Variants in KIAA1217 observed in about 807,000 individuals in gnomAD.
KIAA1217 encodes sickle tail protein homolog.
In KIAA1217, 88 loss-of-function variants were observed where a neutral mutation model predicts 163.9. The observed-to-expected ratio is 0.54, with a 90% CI of 0.45 to 0.64. The LOEUF is 0.64. Among genes scored for constraint, KIAA1217 ranks in the 30% least tolerant of loss-of-function variants. The pLI, the probability that KIAA1217 is intolerant of heterozygous loss-of-function variation, is 0.00. For missense variants in KIAA1217, 2,372 were observed against 2,475.0 expected, an observed-to-expected ratio of 0.96 and a Z score of 0.88; for synonymous variants, 903 against 923.1, an observed-to-expected ratio of 0.98 and a Z score of 0.39.
intron 2 of KIAA1217, among the ~76,000 whole-genome samples, chr10:24,152,985 A>G (rs1288981257): frequency 2.6e-4 from 39 of 152,220 alleles, no homozygotes. Flanking sequence ...ACAAAATCCT[A>G]GAAAGTCTAC....
intron 1 of KIAA1217, among the ~76,000 whole-genome samples, chr10:23,896,602 G>A (rs1458060628): frequency 1.3e-5 from 2 of 151,918 alleles, no homozygotes; most frequent in Non-Finnish European, 2.9e-5. Context: ...GATATAGACC[G>A]AATAATCATT....
At chr10:24,097,982 C>T (rs1002502112) in intron 2 of KIAA1217, among the ~76,000 whole-genome samples, 1 of 151,980 alleles carries the variant, frequency 6.6e-6, no homozygotes, top group Admixed American at 6.6e-5. Context: ...CCAGGGGCAA[C>T]ACGCCTCCTT....
chr10:24,190,044 G>C (rs1281978085), intron 2 of KIAA1217, among the ~76,000 whole-genome samples: 1 of 148,654 alleles, frequency 6.7e-6, no homozygotes, highest in African/African-American at 2.5e-5. Flanking sequence ...AAAAAAAAAA[G>C]TATGATTGGA....
intron 2 of KIAA1217, among the ~76,000 whole-genome samples, chr10:24,341,519 C>G (rs992188311): frequency 3.9e-5 from 6 of 152,112 alleles, no homozygotes; most frequent in African/African-American, 1.4e-4. Context: ...CTTGTAGATA[C>G]GTATAGTATC....
intron 2 of KIAA1217, among the ~76,000 whole-genome samples, chr10:24,036,870 C>T (rs896423605): frequency 1.3e-5 from 2 of 152,188 alleles, no homozygotes; most frequent in African/African-American, 2.4e-5. Context: ...AAGGGACACA[C>T]ATCCAAACTA....
At chr10:24,474,099 C>A in intron 6 of KIAA1217, 39 bp downstream of exon 6, 1 of 1,476,048 alleles carries the variant, frequency 6.8e-7, no homozygotes, top group Non-Finnish European at 9.2e-7. Context: ...GGTACCTGGG[C>A]CCATGTGTCA....
chr10:23,856,750 A>G (rs908306839), intron 1 of KIAA1217, among the ~76,000 whole-genome samples: 2 of 152,234 alleles, frequency 1.3e-5, no homozygotes, highest in Non-Finnish European at 2.9e-5. Flanking sequence ...GCTGCCTTGC[A>G]GTTTGATCTC....
At chr10:24,361,212 G>T (rs1382900232) in intron 2 of KIAA1217, among the ~76,000 whole-genome samples, 2 of 151,880 alleles carry the variant, frequency 1.3e-5, no homozygotes, top group African/African-American at 4.8e-5. Context: ...TTGAGACAGG[G>T]TCTAACACTG....
At chr10:24,392,803 G>A (rs2055160513) in intron 3 of KIAA1217, among the ~76,000 whole-genome samples, 1 of 152,196 alleles carries the variant, frequency 6.6e-6, no homozygotes, top group Non-Finnish European at 1.5e-5. Context: ...ATTAGGAAAT[G>A]TTACCTGAAC....
chr10:23,744,222 TAG>T (rs1839277362), intron 1 of KIAA1217, among the ~76,000 whole-genome samples: 1 of 152,288 alleles, frequency 6.6e-6, no homozygotes, highest in Admixed American at 6.5e-5. Context: ...AGCTACTAGG[TAG>T]CCTGTTGTCC....
At chr10:24,318,771 C>T (rs1192492023) in intron 2 of KIAA1217, among the ~76,000 whole-genome samples, 1 of 152,198 alleles carries the variant, frequency 6.6e-6, no homozygotes, top group Non-Finnish European at 1.5e-5. Flanking sequence ...CTCTGAAAAC[C>T]TCATGTTGCA....
intron 2 of KIAA1217, among the ~76,000 whole-genome samples, chr10:24,304,129 A>ATTTT (rs5783885): frequency 4.4e-5 from 6 of 136,928 alleles, no homozygotes; most frequent in African/African-American, 1.3e-4. Flanking sequence ...AATCCTCCAC[A>ATTTT]TTTTTTTTTT....
At chr10:24,502,941 G>A (rs2067853727) in intron 9 of KIAA1217, among the ~76,000 whole-genome samples, 1 of 152,122 alleles carries the variant, frequency 6.6e-6, no homozygotes, top group African/African-American at 2.4e-5. Flanking sequence ...AGCCAGGATA[G>A]CACCATTGCA....
At chr10:24,054,753 A>G (rs1201508835) in intron 2 of KIAA1217, among the ~76,000 whole-genome samples, 1 of 152,222 alleles carries the variant, frequency 6.6e-6, no homozygotes, top group Non-Finnish European at 1.5e-5. Flanking sequence ...CCTAGGCTAT[A>G]TGGTATAGCC....
chr10:24,127,070 T>A (rs2063495319), intron 2 of KIAA1217, among the ~76,000 whole-genome samples: 1 of 152,308 alleles, frequency 6.6e-6, no homozygotes, highest in South Asian at 2.1e-4. Flanking sequence ...TCAGGTTCTT[T>A]AAGAAAAAGA....
chr10:24,029,386 G>A (rs557277875), intron 2 of KIAA1217, among the ~76,000 whole-genome samples: 15 of 152,208 alleles, frequency 9.9e-5, no homozygotes, highest in East Asian at 3.9e-4. Context: ...ACATCATGCC[G>A]TAAATTCTTC....
intron 1 of KIAA1217, among the ~76,000 whole-genome samples, chr10:23,978,118 T>C (rs1253808879): frequency 1.3e-5 from 2 of 152,196 alleles, no homozygotes. Context: ...GGGTGACACA[T>C]TCTGCTCATA....
At chr10:24,193,601 T>C (rs1412398948) in intron 2 of KIAA1217, among the ~76,000 whole-genome samples, 1 of 152,224 alleles carries the variant, frequency 6.6e-6, no homozygotes, top group African/African-American at 2.4e-5. Flanking sequence ...CTATCTAACC[T>C]GAACATGAAC....
rs1030230758 is a variant in KIAA1217, at chr10:24,163,425, A to G, written c.-170-56201A>G. ...TCTTCATTCATATATCTTAATTGCCATTAAGAAATGTGCCATTTCAGGCAT... is the reference window on the plus strand; with the variant it reads ...TCTTCATTCATATATCTTAATTGCCGTTAAGAAATGTGCCATTTCAGGCAT... On this transcript the variant is annotated intron_variant, in intron 2 of 18. Coordinates refer to the KIAA1217 transcript ENST00000376462. Among the ~76,000 whole-genome samples, 9 of 152,342 alleles carry G rather than the reference A, an allele frequency of 5.9e-5. No individual in the cohort carries two copies. In the East Asian group the frequency reaches 1.2e-3, roughly 20 times the overall value.
Sources: gnomAD v4.1 joint callset for allele counts (sites outside exome capture counted in the v4.1 genomes callset) on GRCh38, gnomAD v4.1.1 for gene constraint, MANE v1.5 for transcripts, NCBI Gene and HGNC (gene_info 2026-07-23, HGNC 2026-07-21) for gene names.